Variants in FNDC3A observed in about 807,000 individuals in gnomAD.
The protein encoded by FNDC3A is fibronectin type III domain containing 3A, also known as fibronectin type-III domain-containing protein 3A.
A neutral mutation model predicts 148.9 loss-of-function variants in FNDC3A; 32 were observed. The observed-to-expected ratio is 0.21, with a 90% CI of 0.16 to 0.29. FNDC3A has a LOEUF of 0.29. Ranked by LOEUF, FNDC3A falls within the 10% of genes least tolerant of loss-of-function variation. The probability of loss-of-function intolerance (pLI) is 1.00; values close to 1 mark genes in which losing one functional copy is unlikely to be tolerated. For synonymous variants in FNDC3A, 472 were observed against 473.6 expected, an observed-to-expected ratio of 1.00 and a Z score of 0.04; for missense variants, 1,191 against 1,452.8, an observed-to-expected ratio of 0.82 and a Z score of 2.93.
At chr13:49,150,613 T>C (rs1278014835) in intron 8 of FNDC3A, among the ~76,000 whole-genome samples, 2 of 152,062 alleles carry the variant, frequency 1.3e-5, no homozygotes, top group Non-Finnish European at 2.9e-5. Context: ...TTTTATTCTA[T>C]TAAGTTATTA....
intron 2 of FNDC3A, among the ~76,000 whole-genome samples, chr13:49,023,256 A>G (rs1873461331): frequency 1.3e-5 from 2 of 151,968 alleles, no homozygotes; most frequent in Non-Finnish European, 2.9e-5. Context: ...ACTTGAGACC[A>G]ATACCATTTC....
intron 2 of FNDC3A, among the ~76,000 whole-genome samples, chr13:49,066,121 A>G (rs902795068): frequency 6.6e-6 from 1 of 152,172 alleles, no homozygotes; most frequent in African/African-American, 2.4e-5. Context: ...CAATTGGCAG[A>G]CCTGGTTGGA....
chr13:49,050,968 A>G (rs1284077284), intron 2 of FNDC3A, among the ~76,000 whole-genome samples: 1 of 151,414 alleles, frequency 6.6e-6, no homozygotes, highest in Non-Finnish European at 1.5e-5. Context: ...AGCTGCTCCT[A>G]CTCCTACTTT....
At chr13:49,161,373 T>G (rs1386671746) in intron 8 of FNDC3A, among the ~76,000 whole-genome samples, 1 of 152,226 alleles carries the variant, frequency 6.6e-6, no homozygotes, top group Non-Finnish European at 1.5e-5. Flanking sequence ...CCTTGTCTCT[T>G]GACCTTTGTT....
At chr13:49,022,527 A>G (rs1873401448) in intron 2 of FNDC3A, among the ~76,000 whole-genome samples, 1 of 152,162 alleles carries the variant, frequency 6.6e-6, no homozygotes, top group Non-Finnish European at 1.5e-5. Context: ...GCATTTAAAA[A>G]TCTGATAGCT....
chr13:49,137,375 C>T (rs1250491392), intron 6 of FNDC3A, among the ~76,000 whole-genome samples: 2 of 151,616 alleles, frequency 1.3e-5, no homozygotes, highest in South Asian at 2.1e-4. Flanking sequence ...GACCAAGTCT[C>T]GCTCTGTCAC....
intron 2 of FNDC3A, among the ~76,000 whole-genome samples, chr13:49,069,167 A>T (rs1877476956): frequency 6.6e-6 from 1 of 152,236 alleles, no homozygotes. Context: ...ATGAGTATTT[A>T]ACTGAAAAGA....
intron 18 of FNDC3A, 25 bp from the exon 19 acceptor site, chr13:49,191,184 T>C: frequency 6.2e-7 from 1 of 1,605,376 alleles, no homozygotes; most frequent in East Asian, 2.2e-5. Flanking sequence ...TCTTGTTAAA[T>C]TGCATTAATC....
chr13:48,994,336 A>G (rs932857832), intron 1 of FNDC3A, among the ~76,000 whole-genome samples: 13 of 152,268 alleles, frequency 8.5e-5, no homozygotes, highest in African/African-American at 2.9e-4. Flanking sequence ...ATCCTGATTC[A>G]AACAAGTTTT....
intron 2 of FNDC3A, among the ~76,000 whole-genome samples, chr13:49,042,512 A>G (rs1566209492): frequency 1.3e-5 from 2 of 152,272 alleles, no homozygotes; most frequent in East Asian, 3.9e-4. Context: ...ACAGTGGCTC[A>G]TACCTGTAAT....
chr13:49,117,612 A>G lies in FNDC3A; in HGVS notation c.252+2881A>G, dbSNP rs1881051564. Among the ~76,000 whole-genome samples the G allele has an allele frequency of 3.3e-5, 5 of 152,340 alleles. No homozygotes were observed. In the South Asian group the frequency reaches 1.0e-3, roughly 32 times the overall value. On this transcript the variant is annotated intron_variant, in intron 4 of 25. Transcript: ENST00000492622. ...ACAGATTGAAAATATTTGAAAAAAAAAATTGCATCTATACTGAACACGTAC... is the reference window on the plus strand; with the variant it reads ...ACAGATTGAAAATATTTGAAAAAAAGAATTGCATCTATACTGAACACGTAC...
intron 2 of FNDC3A, among the ~76,000 whole-genome samples, chr13:49,062,749 A>C (rs1593537659): frequency 6.6e-6 from 1 of 152,138 alleles, no homozygotes; most frequent in East Asian, 1.9e-4. Context: ...TTACACTATA[A>C]GTTAATTGGC....
chr13:48,975,819 G>A (rs904572291), upstream of FNDC3A: 3 of 151,728 alleles, frequency 2.0e-5, no homozygotes, highest in East Asian at 1.9e-4. Flanking sequence ...GCCCCGGCGC[G>A]GCGGGCTCGA....
intron 8 of FNDC3A, among the ~76,000 whole-genome samples, chr13:49,159,851 C>T (rs1264228704): frequency 2.6e-5 from 4 of 152,186 alleles, no homozygotes; most frequent in South Asian, 4.2e-4. Flanking sequence ...TGTCAAAGGC[C>T]TTTTTCTGCA....
chr13:49,171,000 C>T lies in FNDC3A; in HGVS notation c.1177-1043C>T, dbSNP rs75997804. 3.2e-3 allele frequency among the ~76,000 whole-genome samples: 482 copies of T among 152,254 alleles called. 3 individuals carry two copies. The highest frequency in any genetic ancestry group is 0.011 in the African/African-American group (444 of 41,556). On this transcript the variant is annotated intron_variant, in intron 10 of 25. Transcript: ENST00000492622. ...CTTTTGATCTCTCTCTTTGGATTCTCTTCCTCTATATCATAAGAGCTGGAG... is the reference window on the plus strand; with the variant it reads ...CTTTTGATCTCTCTCTTTGGATTCTTTTCCTCTATATCATAAGAGCTGGAG...
At chr13:49,187,362 A>G in intron 16 of FNDC3A, 172 bp downstream of exon 16, 1 of 833,222 alleles carries the variant, frequency 1.2e-6, no homozygotes, top group South Asian at 1.6e-5. Context: ...TTTTAATGTC[A>G]TAAGTTTATT....
intron 2 of FNDC3A, among the ~76,000 whole-genome samples, chr13:49,030,519 G>A (rs1046956304): frequency 2.6e-5 from 4 of 152,052 alleles, no homozygotes; most frequent in African/African-American, 9.7e-5. Context: ...GTCCTAGCCT[G>A]GGCAAATAAG....
chr13:49,100,442 T>C (rs1300361422), intron 3 of FNDC3A, among the ~76,000 whole-genome samples: 1 of 152,168 alleles, frequency 6.6e-6, no homozygotes, highest in Non-Finnish European at 1.5e-5. Context: ...CCTCTTACGC[T>C]AAGCGTTATT....
intron 1 of FNDC3A, among the ~76,000 whole-genome samples, chr13:49,003,225 T>C (rs987499145): frequency 2.0e-5 from 3 of 151,726 alleles, no homozygotes; most frequent in Non-Finnish European, 4.4e-5. Flanking sequence ...GCCACCACAC[T>C]CAGTTAATTT....
Sources: gnomAD v4.1 joint callset for allele counts (sites outside exome capture counted in the v4.1 genomes callset) on GRCh38, gnomAD v4.1.1 for gene constraint, MANE v1.5 for transcripts, NCBI Gene and HGNC (gene_info 2026-07-23, HGNC 2026-07-21) for gene names.